The following CRACD variants were observed in gnomAD, a reference collection of about 807,000 sequenced individuals.
CRACD encodes capping protein inhibiting regulator of actin dynamics.
In CRACD, 56 loss-of-function variants were observed where a neutral mutation model predicts 106.8. The observed-to-expected ratio is 0.52, with a 90% CI of 0.42 to 0.66. The LOEUF (loss-of-function observed/expected upper bound fraction) is 0.66. CRACD is among the 30% of genes least tolerant of loss of function. CRACD has a pLI of 0.00. For missense variants in CRACD, 1,730 were observed against 1,623.2 expected (o/e 1.07, Z -1.13); for synonymous variants, 754 against 670.8 (o/e 1.12, Z -1.92).
intron 2 of CRACD, among the ~76,000 whole-genome samples, chr4:56,200,712 C>T (rs1737841903): frequency 2.6e-5 from 4 of 152,116 alleles, no homozygotes; most frequent in Admixed American, 2.6e-4. Context: ...TTTTTTAGAT[C>T]AGTTTTAGGC....
At chr4:56,144,786 T>TG (rs1308969102) in intron 1 of CRACD, among the ~76,000 whole-genome samples, 3 of 151,992 alleles carry the variant, frequency 2.0e-5, no homozygotes, top group Non-Finnish European at 4.4e-5. Flanking sequence ...CCCCAGTAGC[T>TG]GGGATTACAG....
intron 1 of CRACD, among the ~76,000 whole-genome samples, chr4:56,116,172 T>G (rs1734269167): frequency 6.6e-6 from 1 of 152,154 alleles, no homozygotes; most frequent in African/African-American, 2.4e-5. Context: ...TCTATTTATT[T>G]AATCCAGGTT....
chr4:56,267,209 C>T (rs1388502337), intron 2 of CRACD, among the ~76,000 whole-genome samples: 1 of 151,986 alleles, frequency 6.6e-6, no homozygotes, highest in Non-Finnish European at 1.5e-5. Flanking sequence ...CAACCTCTGC[C>T]TCCCGGGTTC....
intron 1 of CRACD, among the ~76,000 whole-genome samples, chr4:56,178,500 TA>T (rs1262806195): frequency 6.6e-6 from 1 of 152,220 alleles, no homozygotes; most frequent in Non-Finnish European, 1.5e-5. Context: ...ATTTTAAAAA[TA>T]ACTTTTGTCC....
chr4:56,264,276 G>C (rs917217990), intron 2 of CRACD, among the ~76,000 whole-genome samples: 1 of 152,050 alleles, frequency 6.6e-6, no homozygotes, highest in Non-Finnish European at 1.5e-5. Flanking sequence ...TGGGGACAGA[G>C]CTAAATCATA....
At chr4:56,100,134 T>C (rs1352082378) in intron 1 of CRACD, among the ~76,000 whole-genome samples, 1 of 151,944 alleles carries the variant, frequency 6.6e-6, no homozygotes, top group Admixed American at 6.6e-5. Flanking sequence ...TCCCAGCTAC[T>C]TGGGAGGCTG....
rs375013824 is a variant in CRACD at position 56,188,686 on chromosome 4, T to TCACA, written c.-189+9279_-189+9282dup. 6.0e-3 allele frequency among the ~76,000 whole-genome samples: 553 copies of TCACA among 92,078 alleles called. 2 individuals are homozygous for TCACA. Among genetic ancestry groups the TCACA allele is most frequent in the Non-Finnish European group, 7.6e-3 (368 of 48,112 alleles). The allele number at this position is 92,078 out of a possible 152,430, so 60.4% of individuals were successfully genotyped here. On this transcript the variant is annotated intron_variant, in intron 2 of 10. Coordinates refer to ENST00000682029, the MANE Select transcript of CRACD (RefSeq NM_001393381.1). ...CTCTCTCTCTCTCTCTCTCTCTCTC[T>TCACA]CACACACACACACACACACACACAC...
intron 2 of CRACD, among the ~76,000 whole-genome samples, chr4:56,181,612 G>A (rs1736824216): frequency 1.3e-5 from 2 of 152,182 alleles, no homozygotes; most frequent in Admixed American, 6.5e-5. Context: ...TAGGCTAGAA[G>A]TCCAAAATCA....
intron 2 of CRACD, among the ~76,000 whole-genome samples, chr4:56,244,709 A>C (rs1437385513): frequency 6.6e-6 from 1 of 152,230 alleles, no homozygotes; most frequent in East Asian, 1.9e-4. Flanking sequence ...GTCCATGATG[A>C]AAGGGTTAAT....
chr4:56,317,489 G>C (rs544700784), intron 8 of CRACD, among the ~76,000 whole-genome samples: 1 of 152,160 alleles, frequency 6.6e-6, no homozygotes, highest in South Asian at 2.1e-4. Context: ...ATGCCTTTTC[G>C]GTTGGCAATA....
intron 2 of CRACD, among the ~76,000 whole-genome samples, chr4:56,183,036 C>A (rs558415158): frequency 2.0e-5 from 3 of 151,716 alleles, no homozygotes; most frequent in East Asian, 3.9e-4. Flanking sequence ...AGTTTGAGAC[C>A]AGCCTGATGA....
chr4:56,326,568 A>G (rs1746461710), intron 10 of CRACD, among the ~76,000 whole-genome samples: 1 of 152,168 alleles, frequency 6.6e-6, no homozygotes, highest in Non-Finnish European at 1.5e-5. Flanking sequence ...CATAGGCACT[A>G]TTTATGACTC....
At chr4:56,324,327 T>G in intron 10 of CRACD, 61 bp downstream of exon 10, 1 of 1,512,840 alleles carries the variant, frequency 6.6e-7, no homozygotes, top group South Asian at 1.3e-5. Flanking sequence ...TAGAGCGTGC[T>G]TTATATCCTA....
rs1011206872 is a variant in CRACD at position 56,261,689 on chromosome 4, G to A, written c.-188-10632G>A. Among the ~76,000 whole-genome samples the A allele has an allele frequency of 1.3e-5, 2 of 151,958 alleles. 1 individual carries two copies. The highest frequency in any genetic ancestry group is 4.2e-4 in the South Asian group (2 of 4,814). On this transcript the variant is annotated intron_variant, in intron 2 of 10. Coordinates refer to ENST00000682029, the MANE Select transcript of CRACD (RefSeq NM_001393381.1). ...CTCAATATTATTTTATTTCTCCTGT[G>A]AACTGTGAAACATATATAAAAGGAG...
chr4:56,324,387 C>G, intron 10 of CRACD, 121 bp downstream of exon 10: 1 of 870,142 alleles, frequency 1.1e-6, no homozygotes, highest in Non-Finnish European at 1.7e-6. Context: ...CACAGGCTAT[C>G]TGATAACCTC....
At chr4:56,289,688 C>CA (rs36017998) in intron 3 of CRACD, among the ~76,000 whole-genome samples, 4,922 of 122,218 alleles carry the variant, frequency 0.04, 185 homozygotes, top group African/African-American at 0.11. Flanking sequence ...GACTCTGTCT[C>CA]AAAAAAAAAA....
intron 2 of CRACD, among the ~76,000 whole-genome samples, chr4:56,212,170 A>G (rs756575573): frequency 2.6e-5 from 4 of 152,232 alleles, no homozygotes; most frequent in Non-Finnish European, 4.4e-5. Flanking sequence ...CTCACTGCTC[A>G]TTATATGCTA....
Position 56,315,768 on chromosome 4 carries a change from G to C in CRACD, c.2266G>C (p.Glu756Gln), listed in dbSNP as rs1473605946. ...AAGACCCATGCTGGGACCCAGCGAA[G>C]AGACAGCCCCCCAGCCTCCTCCTGC... ...RKRPMLGPSEETAPQPPPAGV... is the reference protein window; with the variant it reads ...RKRPMLGPSEQTAPQPPPAGV... The change falls in exon 8 of 11, where the codon GAG (glutamate) becomes CAG (glutamine). Residue 756 changes from glutamate (E) to glutamine (Q), a missense_variant. Physicochemically the swap from Glu to Gln is conservative, Grantham distance 29. This residue lies in a region of CRACD where 1,620 missense variants were observed against 1,481.6 expected (regional missense o/e 1.09). Coordinates refer to ENST00000682029, the MANE Select transcript of CRACD (RefSeq NM_001393381.1). The surrounding 1 kb of genome is among the most constrained non-coding windows in gnomAD (Gnocchi z 4.1). 1 of 1,614,214 alleles carries C rather than the reference G, an allele frequency of 6.2e-7. No homozygotes were observed. Among genetic ancestry groups the C allele is most frequent in the Admixed American group, 1.7e-5 (1 of 60,026 alleles).
chr4:56,314,363 G>A lies in CRACD; in HGVS notation c.861G>A (p.Pro287=), dbSNP rs1197422853. The A allele has an allele frequency of 6.5e-7, 1 of 1,548,210 alleles. No individual in the cohort carries two copies. Among genetic ancestry groups the A allele is most frequent in the Admixed American group, 2.0e-5 (1 of 50,534 alleles). The change falls in exon 8 of 11, where the codon CCG becomes CCA. Residue 287 remains proline (P), a synonymous_variant. Coordinates refer to ENST00000682029, the MANE Select transcript of CRACD (RefSeq NM_001393381.1). This position sits in a 1 kb window ranked among gnomAD's most constrained non-coding sequence, Gnocchi z 4.4. ...QEPPLEAERA[P]REEQQRSLEA... ...CGCCTCTAGAGGCGGAAAGGGCGCC[G>A]CGGGAAGAGCAGCAGCGGAGCCTGG... is the stretch of plus-strand genomic sequence containing the variant.
Sources: allele counts gnomAD v4.1 joint callset (sites outside exome capture counted in the v4.1 genomes callset), GRCh38; gene constraint gnomAD v4.1.1; regional missense constraint gnomAD v4.1.1; non-coding constraint Gnocchi (gnomAD v3.1); transcripts MANE v1.5; gene names NCBI Gene and HGNC (gene_info 2026-07-23, HGNC 2026-07-21).